JMY: variants seen among roughly 807,000 people sequenced by gnomAD.
JMY encodes junction mediating and regulatory protein, p53 cofactor, also known as junction-mediating and -regulatory protein.
Under a neutral mutation model 103.3 loss-of-function variants are expected in JMY, and 46 were observed. The ratio of observed to expected loss-of-function variants is 0.45; its 90% CI spans 0.35 to 0.57. JMY has a LOEUF of 0.57. Ranked by LOEUF, JMY falls within the 20% of genes least tolerant of loss-of-function variation. The pLI is 0.00. For missense variants in JMY, 1,238 were observed against 1,255.2 expected (o/e 0.99, Z 0.21); for synonymous variants, 526 against 489.3 (o/e 1.07, Z -0.99).
In JMY at chr5:79,300,187, C is replaced by G. The variant is rs760353434; in HGVS notation, c.1562C>G (p.Ala521Gly). 6.2e-7 allele frequency: 1 copy of G among 1,613,244 alleles called. No individual in the cohort carries two copies. The highest frequency in any genetic ancestry group is 8.5e-7 in the Non-Finnish European group (1 of 1,179,608). ...TTGCGGGGTGGTACAGAAGCGATAG[C>G]ACGATTGGATCAGTTAGAAGCTGAT... is the stretch of plus-strand genomic sequence containing the variant. ...QSLRGGTEAI[A>G]RLDQLEADYY... The change falls in exon 5 of 11, where the codon GCA (alanine) becomes GGA (glycine). Residue 521 changes from alanine (A) to glycine (G), a missense_variant. Physicochemically the swap from Ala to Gly is moderately conservative, Grantham distance 60. Transcript: ENST00000396137.
chr5:79,263,157 G>C (rs1223763555), intron 1 of JMY, among the ~76,000 whole-genome samples: 4 of 152,038 alleles, frequency 2.6e-5, no homozygotes, highest in African/African-American at 9.7e-5. Context: ...CTGAAACCTG[G>C]TAGAAAACCA....
intron 1 of JMY, among the ~76,000 whole-genome samples, chr5:79,241,606 T>G (rs1446234722): frequency 6.6e-6 from 1 of 152,200 alleles, no homozygotes; most frequent in Non-Finnish European, 1.5e-5. Flanking sequence ...CTGCCGAGTT[T>G]TATATCTGTG....
In JMY at chr5:79,290,194, G is replaced by T; in HGVS notation, c.1280G>T (p.Arg427Leu). 1 of 1,597,384 alleles carries T rather than the reference G, an allele frequency of 6.3e-7. No individual in the cohort carries two copies. The highest frequency in any genetic ancestry group is 8.5e-7 in the Non-Finnish European group (1 of 1,170,298). ...CAAAAAGAAGATGCTGATTGGCAGC[G>T]GAAAGCTCACATGGCTGTACTGTCT... is the stretch of plus-strand genomic sequence containing the variant. ...SLQKEDADWQRKAHMAVLSIQ... is the reference protein window; with the variant it reads ...SLQKEDADWQLKAHMAVLSIQ... The change falls in exon 3 of 11, where the codon CGG becomes CTG. Residue 427 changes from arginine (R) to leucine (L), a missense_variant. By Grantham distance (102) the Arg-to-Leu change is moderately radical. Transcript: ENST00000396137.
chr5:79,242,760 A>C (rs1039045912), intron 1 of JMY, among the ~76,000 whole-genome samples: 2 of 151,862 alleles, frequency 1.3e-5, no homozygotes, highest in African/African-American at 4.8e-5. Flanking sequence ...TATTATTTTA[A>C]AATGCAGTCA....
rs148095011 is a variant in JMY, at chr5:79,284,337, C to A, written c.1207-5784C>A. ...ATAGATTGGCAAGCCTTTTCTATGT[C>A]TTTTCCAATGCTGTCTGGAATCAAT... is the stretch of plus-strand genomic sequence containing the variant. On this transcript the variant is annotated intron_variant, in intron 2 of 10. Coordinates refer to ENST00000396137, the MANE Select transcript of JMY (RefSeq NM_152405.5). 1.1e-5 allele frequency: 14 copies of A among 1,321,222 alleles called. No homozygotes were observed. The African/African-American group carries it at 1.9e-4, about 18-fold the overall frequency. The allele number at this position is 1,321,222 out of a possible 1,614,324, so 81.8% of individuals were successfully genotyped here. A position where few individuals can be genotyped will look rare whatever the true frequency, so the allele number is the denominator to read the frequency against.
Position 79,236,975 on chromosome 5 carries a change from G to C in JMY, c.325G>C (p.Ala109Pro). ...VRSPGPRRSS[A>P]WAEGGSPRST... ...GAGCCCCGGGCCCCGGCGGAGCTCG[G>C]CCTGGGCGGAGGGCGGCTCTCCTCG... The change falls in exon 1 of 11, where the codon GCC becomes CCC. Residue 109 changes from alanine to proline, a missense_variant. Coordinates refer to ENST00000396137, the MANE Select transcript of JMY (RefSeq NM_152405.5). 1.4e-6 allele frequency: 2 copies of C among 1,457,196 alleles called. No homozygotes were observed. Among genetic ancestry groups the C allele is most frequent in the Non-Finnish European group, 1.8e-6 (2 of 1,106,994 alleles). The allele number at this position is 1,457,196 out of a possible 1,614,324, so 90.3% of individuals were successfully genotyped here.
rs528007143 is a variant in JMY at position 79,236,784 on chromosome 5, C to G, written c.134C>G (p.Thr45Ser). Residue 45 changes from threonine (T) to serine (S), a missense_variant, in exon 1 of 11, where the codon ACC (threonine) becomes AGC (serine). Physicochemically the swap from Thr to Ser is moderately conservative, Grantham distance 58. Transcript: ENST00000396137. Reference sequence around the variant, plus strand: ...GAGATTGAGGGCAAGTTTGCCATAACCTGCCACAACCGGACGGCCCAGAGG... The same window carrying G: ...GAGATTGAGGGCAAGTTTGCCATAAGCTGCCACAACCGGACGGCCCAGAGG... ...WNEIEGKFAITCHNRTAQRQR... is the reference protein window; with the variant it reads ...WNEIEGKFAISCHNRTAQRQR... 1,543 of 1,511,508 alleles carry G rather than the reference C, an allele frequency of 1.0e-3. 2 individuals are homozygous for G. The highest frequency in any genetic ancestry group is 1.2e-3 in the Non-Finnish European group (1,390 of 1,128,434). 93.6% of individuals were successfully genotyped at this position (1,511,508 alleles called of 1,614,324 possible).
rs746332980 is a variant in JMY at position 79,290,288 on chromosome 5, A to G, written c.1357+17A>G. On this transcript the variant is annotated intron_variant, in intron 3 of 10. Coordinates refer to ENST00000396137, the MANE Select transcript of JMY (RefSeq NM_152405.5). ...CTCAAAAAGGTAGGTTTCTCAGTAA[A>G]TTTATCCTTTAGGTATTTTTGAAAA... 2 of 1,459,358 alleles carry G rather than the reference A, an allele frequency of 1.4e-6. No homozygotes were observed. Among genetic ancestry groups the G allele is most frequent in the Non-Finnish European group, 9.1e-7 (1 of 1,096,524 alleles). The allele number at this position is 1,459,358 out of a possible 1,614,324, so 90.4% of individuals were successfully genotyped here.
chr5:79,324,219 T>C lies in JMY; in HGVS notation c.*2617T>C, dbSNP rs1561321624. On this transcript the variant is annotated 3_prime_UTR_variant, in exon 11 of 11. Transcript: ENST00000396137. ...CAAAAATTATGTAAGCCTGGTTAAA[T>C]GTCCTTTTTTCTTCTTGCCTCTAAT... 6.6e-6 allele frequency: 1 copy of C among 152,222 alleles called. No individual in the cohort carries two copies. The highest frequency in any genetic ancestry group is 1.9e-4 in the East Asian group (1 of 5,200). 9.4% of individuals were successfully genotyped at this position (152,222 alleles called of 1,614,324 possible). A position where few individuals can be genotyped will look rare whatever the true frequency, so the allele number is the denominator to read the frequency against.
At position 79,314,704 on chromosome 5, in the gene JMY, G is replaced by A; in HGVS notation, c.2512G>A (p.Glu838Lys). ...TAAGGACAGTGGCCCAGAGACACTG[G>A]AGAAAGATCTGCCTAGAAAGGAGGG... is the stretch of plus-strand genomic sequence containing the variant. ...VAKDSGPETL[E>K]KDLPRKEGNE... Residue 838 changes from glutamate to lysine, a missense_variant, in exon 9 of 11, where the codon GAG becomes AAG. Coordinates refer to ENST00000396137, the MANE Select transcript of JMY (RefSeq NM_152405.5). The A allele has an allele frequency of 6.2e-6, 10 of 1,603,962 alleles. No individual in the cohort carries two copies. Among genetic ancestry groups the A allele is most frequent in the Non-Finnish European group, 8.5e-6 (10 of 1,176,504 alleles).
At chr5:79,284,190 C>G in intron 2 of JMY, 1 of 1,560,940 alleles carries the variant, frequency 6.4e-7, no homozygotes, top group Non-Finnish European at 8.7e-7. Flanking sequence ...TTTAGCACCT[C>G]TCTCGTCCCC....
At position 79,314,409 on chromosome 5, in the gene JMY, A is replaced by G. The variant is rs376215787; in HGVS notation, c.2217A>G (p.Glu739=). 2.5e-6 allele frequency: 4 copies of G among 1,614,072 alleles called. No individual in the cohort carries two copies. The highest frequency in any genetic ancestry group is 3.4e-6 in the Non-Finnish European group (4 of 1,180,028). Residue 739 remains glutamate, a synonymous_variant, in exon 9 of 11, where the codon GAA becomes GAG. Coordinates refer to ENST00000396137, the MANE Select transcript of JMY (RefSeq NM_152405.5). The part of the protein sequence containing the change: ...QVEEKTEEVG[E]GRVKRGPSQT... Reference sequence around the variant, plus strand: ...AAGAGAAAACTGAAGAGGTGGGAGAAGGAAGAGTCAAGCGTGGGCCATCAC... The same window carrying G: ...AAGAGAAAACTGAAGAGGTGGGAGAGGGAAGAGTCAAGCGTGGGCCATCAC...
chr5:79,289,234 CAAA>C (rs535416062), intron 2 of JMY, among the ~76,000 whole-genome samples: 3 of 55,434 alleles, frequency 5.4e-5, no homozygotes, highest in Non-Finnish European at 8.1e-5. Flanking sequence ...GACGCCGTCT[CAAA>C]AAAAAAAAAA....
Position 79,254,990 on chromosome 5 carries a change from C to G in JMY, c.1032+17308C>G, listed in dbSNP as rs544556928. On this transcript the variant is annotated intron_variant, in intron 1 of 10. Coordinates refer to ENST00000396137, the MANE Select transcript of JMY (RefSeq NM_152405.5). ...TTAGCTCTGGAATTTCTGCTTGGTTCTTTTATTTCAATCTCTTTATTAAGT... is the reference window on the plus strand; with the variant it reads ...TTAGCTCTGGAATTTCTGCTTGGTTGTTTTATTTCAATCTCTTTATTAAGT... Among the ~76,000 whole-genome samples the G allele has an allele frequency of 4.2e-4, 63 of 151,762 alleles. 1 individual carries two copies. The highest frequency in any genetic ancestry group is 1.4e-3 in the African/African-American group (60 of 41,380).
intron 1 of JMY, among the ~76,000 whole-genome samples, chr5:79,242,156 C>G (rs762982390): frequency 1.3e-5 from 2 of 152,134 alleles, no homozygotes; most frequent in Non-Finnish European, 2.9e-5. Context: ...GTTGAAACCA[C>G]GGTTTGGAAG....
intron 1 of JMY, among the ~76,000 whole-genome samples, chr5:79,270,699 A>C (rs12521257): frequency 7.7e-6 from 1 of 129,948 alleles, no homozygotes; most frequent in Admixed American, 8.7e-5. Flanking sequence ...ATATATTTAT[A>C]TATTATATAT....
chr5:79,243,804 T>C (rs1744808755), intron 1 of JMY, among the ~76,000 whole-genome samples: 1 of 152,174 alleles, frequency 6.6e-6, no homozygotes. Flanking sequence ...TTAGACAGTT[T>C]TTTGCATCAC....
At chr5:79,290,024 A>G (rs921227751) in intron 2 of JMY, 97 bp from the exon 3 acceptor site, 4 of 796,912 alleles carry the variant, frequency 5.0e-6, no homozygotes, top group South Asian at 5.7e-5. Flanking sequence ...TGAGCAGGGA[A>G]GAACAAGTAT....
At chr5:79,263,873 C>T (rs931867065) in intron 1 of JMY, among the ~76,000 whole-genome samples, 4 of 151,936 alleles carry the variant, frequency 2.6e-5, no homozygotes, top group African/African-American at 9.7e-5. Flanking sequence ...TCTCGGCTCA[C>T]TGCAGTCTCC....
Sources: allele counts gnomAD v4.1 joint callset (sites outside exome capture counted in the v4.1 genomes callset), GRCh38; gene constraint gnomAD v4.1.1; transcripts MANE v1.5; gene names NCBI Gene and HGNC (gene_info 2026-07-23, HGNC 2026-07-21).